Variants in GALC observed in about 807,000 individuals in gnomAD.
GALC encodes galactocerebrosidase.
A neutral mutation model predicts 91.8 loss-of-function variants in GALC; 77 were observed. That is an observed-to-expected ratio of 0.84 (90% CI 0.70 to 1.01). The LOEUF (loss-of-function observed/expected upper bound fraction) is 1.01. GALC is among the 50% of genes least tolerant of loss of function. The pLI is 0.00. For synonymous variants in GALC, 357 were observed against 306.7 expected, an observed-to-expected ratio of 1.16 and a Z score of -1.71; for missense variants, 882 against 855.9, an observed-to-expected ratio of 1.03 and a Z score of -0.38.
intron 10 of GALC, chr14:87,952,530 G>A: frequency 1.3e-6 from 1 of 763,858 alleles, no homozygotes; most frequent in East Asian, 2.8e-5. Context: ...CTAGTATCCT[G>A]TTGCTCCACT....
At chr14:87,953,281 C>T in intron 10 of GALC, 1 of 1,489,606 alleles carries the variant, frequency 6.7e-7, no homozygotes, top group Non-Finnish European at 9.3e-7. Context: ...AGGGCGGAGT[C>T]CTATAAATAA....
At chr14:87,982,111 C>T in intron 6 of GALC, 94 bp downstream of exon 6, 1 of 699,446 alleles carries the variant, frequency 1.4e-6, no homozygotes, top group Non-Finnish European at 2.5e-6. Flanking sequence ...TACGGTATTT[C>T]CAACACAAAT....
At chr14:87,946,086 A>G (rs1458087371) in intron 13 of GALC, among the ~76,000 whole-genome samples, 1 of 152,048 alleles carries the variant, frequency 6.6e-6, no homozygotes, top group Non-Finnish European at 1.5e-5. Flanking sequence ...CTTCATTTCC[A>G]GGTTTGCAGG....
chr14:87,990,773 A>C (rs1042935375), intron 1 of GALC, among the ~76,000 whole-genome samples: 1 of 152,236 alleles, frequency 6.6e-6, no homozygotes, highest in Non-Finnish European at 1.5e-5. Flanking sequence ...ACACAACAGC[A>C]TAAGTCAAAG....
intron 5 of GALC, among the ~76,000 whole-genome samples, chr14:87,983,346 A>G (rs1434030827): frequency 6.6e-6 from 1 of 152,166 alleles, no homozygotes; most frequent in African/African-American, 2.4e-5. Flanking sequence ...TCTCAAATAT[A>G]AACTAATTTT....
At chr14:87,954,599 G>T in intron 10 of GALC, 2 of 1,587,866 alleles carry the variant, frequency 1.3e-6, no homozygotes, top group Non-Finnish European at 1.7e-6. Context: ...TCAAAAAAGT[G>T]CACCTTCCTT....
chr14:87,969,438 G>A (rs977512526), intron 7 of GALC, among the ~76,000 whole-genome samples: 4 of 152,088 alleles, frequency 2.6e-5, no homozygotes, highest in Non-Finnish European at 4.4e-5. Context: ...TACTGCAAGA[G>A]TAAAATACTC....
rs766661804 is a variant in GALC at position 87,988,226 on chromosome 14, G to T, written c.265-19C>A. Reference sequence around the variant, plus strand: ...AATTCGGCTGTGAAAAGAAGTAACAGTATTAACATAGTGTTGTATTGTATG... The same window carrying T: ...AATTCGGCTGTGAAAAGAAGTAACATTATTAACATAGTGTTGTATTGTATG... On this transcript the variant is annotated intron_variant, in intron 2 of 16. Transcript: ENST00000261304. 2.5e-6 allele frequency: 4 copies of T among 1,596,994 alleles called. No individual in the cohort carries two copies. The South Asian group carries it at 4.4e-5, about 18-fold the overall frequency.
In GALC at chr14:87,939,915, AACGTG is replaced by A. The variant is rs749708827; in HGVS notation, c.1896_1900del (p.Thr633AsnfsTer3). ...ATCAGCAATACTTACCTTAATAGTTAACGTGAGTGTATACCATTTTTTTGCTGTAA... is the reference window on the plus strand; with the variant it reads ...ATCAGCAATACTTACCTTAATAGTTAAGTGTATACCATTTTTTTGCTGTAA... On this transcript the variant is annotated frameshift_variant, in exon 16 of 17. Coordinates refer to ENST00000261304, the MANE Select transcript of GALC (RefSeq NM_000153.4). LOFTEE classifies it low-confidence loss of function (END_TRUNC). The A allele has an allele frequency of 2.4e-5, 38 of 1,606,990 alleles. No homozygotes were observed. Among genetic ancestry groups the A allele is most frequent in the Non-Finnish European group, 3.1e-5 (36 of 1,174,230 alleles).
At chr14:87,987,202 C>T (rs57593039) in intron 3 of GALC, 35,261 of 336,306 alleles carry the variant, frequency 0.1, 2,667 homozygotes, top group African/African-American at 0.27. Flanking sequence ...TCAAAGTCCT[C>T]GTATATTCCC....
Position 87,982,191 on chromosome 14 carries a change from A to C in GALC, c.621+14T>G. ...AAAAAGTTAAAAACAAAAAGATACT[A>C]AAGTTGTACACACCTTAATATAATT... On this transcript the variant is annotated intron_variant, in intron 6 of 16. Coordinates refer to ENST00000261304, the MANE Select transcript of GALC (RefSeq NM_000153.4). 1.4e-6 allele frequency: 2 copies of C among 1,446,124 alleles called. No individual in the cohort carries two copies. Among genetic ancestry groups the C allele is most frequent in the Non-Finnish European group, 1.9e-6 (2 of 1,033,912 alleles). The allele number at this position is 1,446,124 out of a possible 1,614,324, so 89.6% of individuals were successfully genotyped here. A position where few individuals can be genotyped will look rare whatever the true frequency, so the allele number is the denominator to read the frequency against.
At position 87,934,061 on chromosome 14, in the gene GALC, TTAAA is replaced by T; in HGVS notation, c.*667_*670del. 6.5e-7 allele frequency: 1 copy of T among 1,531,286 alleles called. No homozygotes were observed. 94.9% of individuals were successfully genotyped at this position (1,531,286 alleles called of 1,614,324 possible). Reference sequence around the variant, plus strand: ...AGACCAAAACTTGGAATCAAAAAAATTAAATAATGCAAATAACCCAATTAATCTG... The same window carrying T: ...AGACCAAAACTTGGAATCAAAAAAATTAATGCAAATAACCCAATTAATCTG... On this transcript the variant is annotated 3_prime_UTR_variant, in exon 17 of 17. Coordinates refer to ENST00000261304, the MANE Select transcript of GALC (RefSeq NM_000153.4).
Position 87,963,487 on chromosome 14 carries a change from G to C in GALC, c.1058C>G (p.Pro353Arg). 6.2e-7 allele frequency: 1 copy of C among 1,612,868 alleles called. No homozygotes were observed. Among genetic ancestry groups the C allele is most frequent in the Non-Finnish European group, 8.5e-7 (1 of 1,179,186 alleles). Residue 353 changes from proline to arginine, a missense_variant, in exon 10 of 17, where the codon CCT becomes CGT. Transcript: ENST00000261304. ...AACTGTCTTCAGGTAATACCAGCCA[G>C]GTTGAGTAAACTGAGTGGTATGAGC... ...VSAHTTQFTQ[P>R]GWYYLKTVGH...
chr14:87,954,384 A>G (rs1885431337), intron 10 of GALC: 3 of 1,600,574 alleles, frequency 1.9e-6, no homozygotes, highest in East Asian at 4.5e-5. Flanking sequence ...GCCCAAGATC[A>G]ACATTATGTG....
chr14:87,968,228 A>C, intron 8 of GALC, 107 bp downstream of exon 8: 1 of 916,050 alleles, frequency 1.1e-6, no homozygotes, highest in Non-Finnish European at 1.7e-6. Flanking sequence ...CAAAATGTTT[A>C]CAATCATTGA....
At chr14:87,993,187 C>T (rs761556379), upstream of GALC, 5 of 1,572,250 alleles carry the variant, frequency 3.2e-6, no homozygotes, top group South Asian at 1.2e-5. Context: ...ATGACTCCGG[C>T]GCCCAGGGAG....
chr14:87,992,580 G>A (rs1887250605), intron 1 of GALC: 2 of 1,481,830 alleles, frequency 1.3e-6, no homozygotes, highest in Admixed American at 2.2e-5. Flanking sequence ...GGACGCTCCC[G>A]CACTCCCTGG....
intron 9 of GALC, among the ~76,000 whole-genome samples, chr14:87,964,629 T>G (rs1380989804): frequency 1.3e-5 from 2 of 152,152 alleles, no homozygotes; most frequent in Admixed American, 1.3e-4. Flanking sequence ...TGAATGATAC[T>G]GTAGTAAAAC....
chr14:87,941,498 G>A lies in GALC; in HGVS notation c.1731C>T (p.Phe577=), dbSNP rs201560122. Residue 577 remains phenylalanine (F), a synonymous_variant, in exon 15 of 17, where the codon TTC becomes TTT. Coordinates refer to ENST00000261304, the MANE Select transcript of GALC (RefSeq NM_000153.4). ...CACCTTTATTTACTCTTCCTGCAAT[G>A]AACACACCTCCTGTGTCAGGGGTCT... ...YIETPDTGGV[F]IAGRVNKGGI... 8.5e-4 allele frequency: 1,352 copies of A among 1,599,724 alleles called. 19 individuals are homozygous for A. The South Asian group carries it at 0.014, about 16-fold the overall frequency.
Sources: allele counts gnomAD v4.1 joint callset (sites outside exome capture counted in the v4.1 genomes callset), GRCh38; gene constraint gnomAD v4.1.1; transcripts MANE v1.5; gene names NCBI Gene and HGNC (gene_info 2026-07-23, HGNC 2026-07-21).